ITGB3BP: variants seen among roughly 807,000 people sequenced by gnomAD.
The protein encoded by ITGB3BP is centromere protein R.
In ITGB3BP, 27 loss-of-function variants were observed where a neutral mutation model predicts 29.1. That is an observed-to-expected ratio of 0.93 (90% CI 0.68 to 1.28). ITGB3BP has a LOEUF of 1.28. Among genes scored for constraint, ITGB3BP ranks in the 50% most tolerant of loss-of-function variants. The pLI, the probability that ITGB3BP is intolerant of heterozygous loss-of-function variation, is 0.00. For synonymous variants in ITGB3BP, 61 were observed against 61.4 expected (o/e 0.99, Z 0.03); for missense variants, 192 against 200.2 (o/e 0.96, Z 0.25).
At chr1:63,484,680 T>C (rs1645495431) in intron 3 of ITGB3BP, among the ~76,000 whole-genome samples, 1 of 152,122 alleles carries the variant, frequency 6.6e-6, no homozygotes, top group Non-Finnish European at 1.5e-5. Context: ...TTTGTGAACA[T>C]TCTACATGTG....
intron 2 of ITGB3BP, among the ~76,000 whole-genome samples, chr1:63,500,895 C>T (rs1645911484): frequency 6.6e-6 from 1 of 152,062 alleles, no homozygotes; most frequent in African/African-American, 2.4e-5. Flanking sequence ...ACAATCAAAA[C>T]GTTTTTTAAT....
chr1:63,452,289 C>T (rs1353020962), intron 7 of ITGB3BP, among the ~76,000 whole-genome samples: 1 of 152,122 alleles, frequency 6.6e-6, no homozygotes, highest in African/African-American at 2.4e-5. Flanking sequence ...TTTGCAAAGG[C>T]CAACTATATT....
chr1:63,467,695 T>C (rs1414070906), intron 4 of ITGB3BP, among the ~76,000 whole-genome samples: 1 of 152,178 alleles, frequency 6.6e-6, no homozygotes, highest in Non-Finnish European at 1.5e-5. Context: ...ATTAGACATA[T>C]CTATAGGTCA....
At chr1:63,448,744 G>A (rs960483351) in intron 7 of ITGB3BP, among the ~76,000 whole-genome samples, 2 of 152,084 alleles carry the variant, frequency 1.3e-5, no homozygotes, top group Non-Finnish European at 2.9e-5. Context: ...ATAGTCTTCA[G>A]TCTATTCATT....
intron 3 of ITGB3BP, among the ~76,000 whole-genome samples, chr1:63,489,495 G>T (rs879490885): frequency 4.0e-5 from 6 of 149,980 alleles, no homozygotes; most frequent in Non-Finnish European, 8.9e-5. Flanking sequence ...AAATATGTAT[G>T]GTCAAAATTA....
At chr1:63,449,350 A>C (rs1194132873) in intron 7 of ITGB3BP, 2 of 152,504 alleles carry the variant, frequency 1.3e-5, no homozygotes, top group Admixed American at 6.5e-5. Context: ...AAGTGAGTCC[A>C]AATCTATAGT....
chr1:63,523,288 G>T, upstream of ITGB3BP: 2 of 941,882 alleles, frequency 2.1e-6, no homozygotes, highest in Non-Finnish European at 3.4e-6. Context: ...TCCTCCCCGC[G>T]ACGAAGGATC....
At chr1:63,507,597 G>T (rs1397436719) in intron 2 of ITGB3BP, among the ~76,000 whole-genome samples, 1 of 152,174 alleles carries the variant, frequency 6.6e-6, no homozygotes, top group African/African-American at 2.4e-5. Flanking sequence ...CACAGAACAA[G>T]TTGGATAATG....
chr1:63,489,645 A>G (rs1293630710), intron 3 of ITGB3BP, among the ~76,000 whole-genome samples: 1 of 152,100 alleles, frequency 6.6e-6, no homozygotes, highest in African/African-American at 2.4e-5. Context: ...ATAAATAAAG[A>G]TAAGCTATAT....
intron 8 of ITGB3BP, among the ~76,000 whole-genome samples, chr1:63,445,616 T>G (rs1644781568): frequency 6.8e-6 from 1 of 147,666 alleles, no homozygotes; most frequent in Non-Finnish European, 1.5e-5. Flanking sequence ...TTTTTTTTTT[T>G]TGGAGACAGG....
At chr1:63,459,353 G>T (rs958013587) in intron 4 of ITGB3BP, among the ~76,000 whole-genome samples, 12 of 152,238 alleles carry the variant, frequency 7.9e-5, no homozygotes, top group Middle Eastern at 3.4e-3. Flanking sequence ...TTATCTGAAA[G>T]TTATTACCTC....
intron 2 of ITGB3BP, among the ~76,000 whole-genome samples, chr1:63,490,981 CTAATTT>C (rs1325663216): frequency 2.9e-5 from 4 of 140,088 alleles, no homozygotes; most frequent in African/African-American, 1.1e-4. Context: ...TCAGAATATA[CTAATTT>C]GTTCACTGGT....
At chr1:63,528,107 A>T (rs1646628533), upstream of ITGB3BP, 2 of 152,384 alleles carry the variant, frequency 1.3e-5, no homozygotes, top group South Asian at 4.1e-4. Context: ...CAGCATATTG[A>T]AGAGATATCT....
chr1:63,519,808 T>C (rs2100831491), intron 1 of ITGB3BP, among the ~76,000 whole-genome samples: 1 of 152,208 alleles, frequency 6.6e-6, no homozygotes, highest in East Asian at 1.9e-4. Flanking sequence ...ATCCAGAATA[T>C]GTTTATATTC....
At chr1:63,471,401 G>A (rs1050278028) in intron 4 of ITGB3BP, among the ~76,000 whole-genome samples, 21 of 151,334 alleles carry the variant, frequency 1.4e-4, no homozygotes, top group African/African-American at 4.4e-4. Flanking sequence ...ACAGGCGCCC[G>A]CCACCATGCC....
chr1:63,463,338 T>C (rs553331625), intron 4 of ITGB3BP, among the ~76,000 whole-genome samples: 2 of 149,286 alleles, frequency 1.3e-5, no homozygotes, highest in South Asian at 2.1e-4. Context: ...CAGTGGTAGA[T>C]ACAAGAATCT....
chr1:63,472,387 G>A (rs1430579033), intron 4 of ITGB3BP, among the ~76,000 whole-genome samples: 1 of 147,464 alleles, frequency 6.8e-6, no homozygotes, highest in Non-Finnish European at 1.5e-5. Flanking sequence ...AAAGAATATT[G>A]CCAAAACAAA....
chr1:63,525,950 C>T (rs1191411479), upstream of ITGB3BP, among the ~76,000 whole-genome samples: 1 of 152,104 alleles, frequency 6.6e-6, no homozygotes, highest in Non-Finnish European at 1.5e-5. Flanking sequence ...ATAAAACTTT[C>T]AATGTTTATA....
intron 1 of ITGB3BP, among the ~76,000 whole-genome samples, chr1:63,514,576 T>C (rs1046595006): frequency 1.3e-5 from 2 of 152,130 alleles, no homozygotes. Context: ...TTAGTAAGAG[T>C]TCTTTCTTAT....
Sources: gnomAD v4.1 joint callset for allele counts (sites outside exome capture counted in the v4.1 genomes callset) on GRCh38, gnomAD v4.1.1 for gene constraint, MANE v1.5 for transcripts, NCBI Gene and HGNC (gene_info 2026-07-23, HGNC 2026-07-21) for gene names.